Variants in KCNJ6 observed in about 807,000 individuals in gnomAD.
The protein encoded by KCNJ6 is G protein-activated inward rectifier potassium channel 2.
In KCNJ6, 9 loss-of-function variants were observed where a neutral mutation model predicts 34.2. The ratio of observed to expected loss-of-function variants is 0.26; its 90% CI spans 0.16 to 0.46. The LOEUF is 0.46. KCNJ6 is among the 20% of genes least tolerant of loss of function. The pLI, the probability that KCNJ6 is intolerant of heterozygous loss-of-function variation, is 1.00. For synonymous variants in KCNJ6, 196 were observed against 207.1 expected, an observed-to-expected ratio of 0.95 and a Z score of 0.46; for missense variants, 236 against 531.3, an observed-to-expected ratio of 0.44 and a Z score of 5.46.
intron 1 of KCNJ6, among the ~76,000 whole-genome samples, chr21:37,862,829 T>C (rs1425604174): frequency 3.9e-5 from 6 of 152,212 alleles, no homozygotes; most frequent in Non-Finnish European, 7.3e-5. Flanking sequence ...TCTTGACTGA[T>C]GTGTGACATC....
At chr21:37,653,964 G>A (rs1490828616) in intron 3 of KCNJ6, among the ~76,000 whole-genome samples, 3 of 152,092 alleles carry the variant, frequency 2.0e-5, no homozygotes, top group Non-Finnish European at 4.4e-5. Context: ...AGGACCCTAC[G>A]GTGGCTCAAG....
intron 2 of KCNJ6, among the ~76,000 whole-genome samples, chr21:37,823,804 A>G (rs906933350): frequency 1.3e-5 from 2 of 151,962 alleles, no homozygotes; most frequent in African/African-American, 4.9e-5. Flanking sequence ...GAGAGTAGGT[A>G]GAATGGTGGT....
At position 37,892,635 on chromosome 21, in the gene KCNJ6, A is replaced by G. The variant is rs923470144; in HGVS notation, c.-28+23249T>C. ...GGCAACAGGGTGAAGGCAATGGTAGAGACTTAAGGTTGGGCAAAGATGGGG... is the reference window on the plus strand; with the variant it reads ...GGCAACAGGGTGAAGGCAATGGTAGGGACTTAAGGTTGGGCAAAGATGGGG... On this transcript the variant is annotated intron_variant, in intron 1 of 3. Coordinates refer to ENST00000609713, the MANE Select transcript of KCNJ6 (RefSeq NM_002240.5). Among the ~76,000 whole-genome samples, 18 of 152,238 alleles carry G rather than the reference A, an allele frequency of 1.2e-4. No homozygotes were observed. The East Asian group carries it at 3.5e-3, about 30-fold the overall frequency.
intron 3 of KCNJ6, among the ~76,000 whole-genome samples, chr21:37,702,800 AG>A (rs1464125199): frequency 6.6e-6 from 1 of 152,126 alleles, no homozygotes; most frequent in Non-Finnish European, 1.5e-5. Flanking sequence ...ACTCTTATTG[AG>A]GTAGGAGGGA....
chr21:37,836,715 A>G (rs926045626), intron 2 of KCNJ6, among the ~76,000 whole-genome samples: 2 of 152,098 alleles, frequency 1.3e-5, no homozygotes, highest in Non-Finnish European at 2.9e-5. Context: ...CAGGGAGGGG[A>G]ACATAACATA....
intron 3 of KCNJ6, among the ~76,000 whole-genome samples, chr21:37,686,450 C>T (rs13046521): frequency 0.35 from 48,999 of 140,278 alleles, 8,995 homozygotes; most frequent in East Asian, 0.42. Context: ...TTCACTCTCC[C>T]GGGTGAAGTC....
chr21:37,891,157 G>A (rs570712558), intron 1 of KCNJ6, among the ~76,000 whole-genome samples: 12 of 152,154 alleles, frequency 7.9e-5, no homozygotes, highest in Non-Finnish European at 1.6e-4. Context: ...TGCTTTCATA[G>A]GATACTTTCA....
intron 1 of KCNJ6, among the ~76,000 whole-genome samples, chr21:37,906,154 A>G (rs948060789): frequency 6.6e-6 from 1 of 152,238 alleles, no homozygotes; most frequent in Admixed American, 6.5e-5. Flanking sequence ...TATTTAAATA[A>G]CCTGCATAAC....
chr21:37,745,452 G>A (rs1470762304), intron 2 of KCNJ6, among the ~76,000 whole-genome samples: 1 of 151,972 alleles, frequency 6.6e-6, no homozygotes, highest in East Asian at 1.9e-4. Flanking sequence ...ATGTGGGAAG[G>A]GGACCATGAG....
chr21:37,899,057 C>T (rs1196218899), intron 1 of KCNJ6, among the ~76,000 whole-genome samples: 1 of 151,914 alleles, frequency 6.6e-6, no homozygotes, highest in Non-Finnish European at 1.5e-5. Context: ...CAAATATTTC[C>T]CTCCTTCTGT....
At chr21:37,654,377 T>C (rs3787807) in intron 3 of KCNJ6, among the ~76,000 whole-genome samples, 15,315 of 151,666 alleles carry the variant, frequency 0.1, 1,025 homozygotes, top group South Asian at 0.24. Flanking sequence ...TCTTCTACCT[T>C]CTTGATTCGA....
rs1036266418 is a variant in KCNJ6 at position 37,610,106 on chromosome 21, A to G, written c.*15053T>C. The G allele has an allele frequency of 2.6e-5, 4 of 152,248 alleles. No individual in the cohort carries two copies. The highest frequency in any genetic ancestry group is 5.9e-5 in the Non-Finnish European group (4 of 68,074). The allele number at this position is 152,248 out of a possible 1,614,324, so 9.4% of individuals were successfully genotyped here. A position where few individuals can be genotyped will look rare whatever the true frequency, so the allele number is the denominator to read the frequency against. On this transcript the variant is annotated 3_prime_UTR_variant, in exon 4 of 4. Coordinates refer to ENST00000609713, the MANE Select transcript of KCNJ6 (RefSeq NM_002240.5). ...CCTGCTGCCAGCAAGGGAATCAGTT[A>G]AATGATGAAAACAGCTGAGACTTAA...
chr21:37,766,609 A>C (rs900672904), intron 2 of KCNJ6, among the ~76,000 whole-genome samples: 1 of 152,218 alleles, frequency 6.6e-6, no homozygotes, highest in Non-Finnish European at 1.5e-5. Flanking sequence ...CAGTGGAAGC[A>C]CATGGTGGTG....
intron 2 of KCNJ6, among the ~76,000 whole-genome samples, chr21:37,827,977 C>T (rs1054292113): frequency 6.6e-6 from 1 of 152,184 alleles, no homozygotes; most frequent in East Asian, 1.9e-4. Context: ...TGTAGCCTCA[C>T]AGCTAGGAGG....
intron 3 of KCNJ6, among the ~76,000 whole-genome samples, chr21:37,654,105 GT>G (rs537326162): frequency 0.13 from 15,947 of 122,656 alleles, 642 homozygotes; most frequent in East Asian, 0.3. Context: ...CACTTTGTGG[GT>G]TTTTTTTTTT....
rs1413440237 is a variant in KCNJ6, at chr21:37,621,322, G to C, written c.*3837C>G. The C allele has an allele frequency of 1.3e-5, 2 of 152,110 alleles. No homozygotes were observed. Among genetic ancestry groups the C allele is most frequent in the Non-Finnish European group, 2.9e-5 (2 of 68,030 alleles). The allele number at this position is 152,110 out of a possible 1,614,324, so 9.4% of individuals were successfully genotyped here. A position where few individuals can be genotyped will look rare whatever the true frequency, so the allele number is the denominator to read the frequency against. On this transcript the variant is annotated 3_prime_UTR_variant, in exon 4 of 4. Coordinates refer to ENST00000609713, the MANE Select transcript of KCNJ6 (RefSeq NM_002240.5). Reference sequence around the variant, plus strand: ...AAATCAAATGATTTCCCATTCTTCTGGTGAGTTCAGGTAGTTTTCTAATAG... The same window carrying C: ...AAATCAAATGATTTCCCATTCTTCTCGTGAGTTCAGGTAGTTTTCTAATAG...
chr21:37,855,920 C>T (rs1190316805), intron 1 of KCNJ6, among the ~76,000 whole-genome samples: 1 of 152,236 alleles, frequency 6.6e-6, no homozygotes, highest in Non-Finnish European at 1.5e-5. Context: ...GGCCAGGGGC[C>T]TCTGTCCCTG....
intron 1 of KCNJ6, among the ~76,000 whole-genome samples, chr21:37,884,651 T>C (rs1178571804): frequency 6.6e-6 from 1 of 152,162 alleles, no homozygotes; most frequent in African/African-American, 2.4e-5. Context: ...AGTTCCATAG[T>C]CTATCTGCCC....
At chr21:37,841,157 G>A (rs2055478911) in intron 1 of KCNJ6, among the ~76,000 whole-genome samples, 1 of 151,902 alleles carries the variant, frequency 6.6e-6, no homozygotes, top group Non-Finnish European at 1.5e-5. Context: ...CTTTGTCTTA[G>A]TTTTTTGGGT....
Sources: allele counts gnomAD v4.1 joint callset (sites outside exome capture counted in the v4.1 genomes callset), GRCh38; gene constraint gnomAD v4.1.1; transcripts MANE v1.5; gene names NCBI Gene and HGNC (gene_info 2026-07-23, HGNC 2026-07-21).